KAZN: variants seen among roughly 807,000 people sequenced by gnomAD.
The protein encoded by KAZN is kazrin, periplakin interacting protein, also known as kazrin.
Under a neutral mutation model 87.4 loss-of-function variants are expected in KAZN, and 40 were observed. The observed-to-expected ratio is 0.46, with a 90% CI of 0.36 to 0.60. KAZN has a LOEUF of 0.60. KAZN is among the 20% of genes least tolerant of loss of function. The pLI is 0.00. For synonymous variants in KAZN, 466 were observed against 458.3 expected (o/e 1.02, Z -0.22); for missense variants, 898 against 1,073.9 (o/e 0.84, Z 2.29).
At chr1:15,031,414 G>T (rs924940403) in intron 2 of KAZN, among the ~76,000 whole-genome samples, 4 of 152,216 alleles carry the variant, frequency 2.6e-5, no homozygotes, top group Admixed American at 1.3e-4. Flanking sequence ...GAGTGCTAGG[G>T]GTCTGGGCAA....
chr1:14,906,868 TCC>T (rs1656645367), intron 1 of KAZN, among the ~76,000 whole-genome samples: 1 of 145,962 alleles, frequency 6.9e-6, no homozygotes, highest in South Asian at 2.2e-4. Flanking sequence ...CCACACCCGC[TCC>T]CCGCCTTGTT....
In KAZN at chr1:14,826,690, T is replaced by C. The variant is rs1381239914; in HGVS notation, c.227-133994T>C. The stretch of plus-strand genomic sequence containing the variant: ...CTCTCCAGTAGCGGCTGGATTTTTT[T>C]TCATCTCGGTTTTTACAGAACCTGG... On this transcript the variant is annotated intron_variant, in intron 1 of 14. Transcript: ENST00000376030. 4.6e-5 allele frequency among the ~76,000 whole-genome samples: 7 copies of C among 152,252 alleles called. No individual in the cohort carries two copies. The South Asian group carries it at 1.5e-3, about 32-fold the overall frequency.
At chr1:14,600,666 C>CAAAAAAAAAAAAAAAAA (rs59840012) in intron 1 of KAZN, among the ~76,000 whole-genome samples, 3 of 118,512 alleles carry the variant, frequency 2.5e-5, no homozygotes, top group Non-Finnish European at 3.6e-5. Flanking sequence ...GGAACCTGTG[C>CAAAAAAAAAAAAAAAAA]AAAAAAAAAA....
intron 1 of KAZN, among the ~76,000 whole-genome samples, chr1:13,995,219 C>CAAAAAAAAA (rs113600200): frequency 2.8e-5 from 3 of 107,388 alleles, no homozygotes; most frequent in South Asian, 3.5e-4. Flanking sequence ...TGCAATAAGG[C>CAAAAAAAAA]AAAAAAAAAA....
intron 2 of KAZN, among the ~76,000 whole-genome samples, chr1:14,347,509 T>C (rs1658191581): frequency 6.6e-6 from 1 of 152,120 alleles, no homozygotes; most frequent in Admixed American, 6.5e-5. Flanking sequence ...AAATTGGTAT[T>C]TGAATCTTTA....
intron 2 of KAZN, among the ~76,000 whole-genome samples, chr1:14,978,649 T>C (rs1407179252): frequency 6.6e-6 from 1 of 152,126 alleles, no homozygotes; most frequent in East Asian, 1.9e-4. Context: ...GGCAGTTTCG[T>C]GTTGGTCACT....
At chr1:14,959,029 G>A (rs1332751837) in intron 1 of KAZN, among the ~76,000 whole-genome samples, 2 of 152,252 alleles carry the variant, frequency 1.3e-5, no homozygotes, top group African/African-American at 4.8e-5. Context: ...CAGCCAGCCT[G>A]TGGATAAACA....
At chr1:15,045,465 G>A (rs72639849) in intron 4 of KAZN, among the ~76,000 whole-genome samples, 17 of 152,244 alleles carry the variant, frequency 1.1e-4, no homozygotes, top group Admixed American at 9.2e-4. Context: ...GATCCCCTGC[G>A]CAGCTAAATC....
intron 1 of KAZN, among the ~76,000 whole-genome samples, chr1:14,614,540 A>AC (rs980703990): frequency 3.9e-5 from 6 of 152,192 alleles, no homozygotes; most frequent in African/African-American, 1.2e-4. Flanking sequence ...AGCCTGGGTG[A>AC]CCATCTGCTG....
chr1:14,571,510 C>A (rs912852528), intron 2 of KAZN, among the ~76,000 whole-genome samples: 2 of 152,160 alleles, frequency 1.3e-5, no homozygotes, highest in African/African-American at 4.8e-5. Context: ...CTTGGCAAAG[C>A]TTTTTGAGTT....
intron 1 of KAZN, among the ~76,000 whole-genome samples, chr1:14,736,299 G>GTGTGTGTGTGTA (rs1214411509): frequency 6.7e-4 from 81 of 121,096 alleles, no homozygotes; most frequent in African/African-American, 2.3e-3. Context: ...GTGTGTGTGT[G>GTGTGTGTGTGTA]TATATTTTTT....
chr1:14,153,463 T>C lies in KAZN; in HGVS notation c.92-26972T>C, dbSNP rs182969002. On this transcript the variant is annotated intron_variant, in intron 1 of 16. Coordinates refer to the KAZN transcript ENST00000636203. ...TTTATGTCTTTTTCTCAGTGTATGT[T>C]ATTGGCACCTTTGTCAAAACTGAGT... is the stretch of plus-strand genomic sequence containing the variant. Among the ~76,000 whole-genome samples the C allele has an allele frequency of 2.1e-3, 314 of 152,298 alleles. 4 individuals carry two copies. Among genetic ancestry groups the C allele is most frequent in the Non-Finnish European group, 3.1e-4 (21 of 68,028 alleles).
At chr1:14,626,623 G>A (rs1381540992) in intron 1 of KAZN, among the ~76,000 whole-genome samples, 1 of 152,082 alleles carries the variant, frequency 6.6e-6, no homozygotes, top group African/African-American at 2.4e-5. Context: ...TGGAATGCAA[G>A]TTTCTCTGTG....
At chr1:13,982,548 T>C (rs1296846429) in intron 1 of KAZN, among the ~76,000 whole-genome samples, 1 of 152,104 alleles carries the variant, frequency 6.6e-6, no homozygotes. Flanking sequence ...CGACCCGAGG[T>C]GGTTGCCACT....
intron 2 of KAZN, among the ~76,000 whole-genome samples, chr1:14,255,396 G>A (rs910543001): frequency 1.3e-5 from 2 of 152,092 alleles, no homozygotes; most frequent in African/African-American, 4.8e-5. Context: ...CTAATCAAAT[G>A]TGTTTCATGA....
At chr1:14,035,462 CTT>C (rs770587340) in intron 1 of KAZN, among the ~76,000 whole-genome samples, 1 of 144,362 alleles carries the variant, frequency 6.9e-6, no homozygotes, top group Admixed American at 7.0e-5. Flanking sequence ...TTTTTTTCTT[CTT>C]TTTTTTTTTT....
chr1:14,278,170 C>CA (rs34057998), intron 2 of KAZN, among the ~76,000 whole-genome samples: 8,028 of 55,288 alleles, frequency 0.15, 938 homozygotes, highest in African/African-American at 0.31. Context: ...AACTCTGTCT[C>CA]AAAAAAAAAA....
chr1:14,645,823 C>G (rs189485866), intron 1 of KAZN, among the ~76,000 whole-genome samples: 32 of 152,244 alleles, frequency 2.1e-4, no homozygotes, highest in East Asian at 7.7e-4. Context: ...TTGTCTTGTG[C>G]CAGTTTTCAA....
intron 1 of KAZN, chr1:14,929,670 C>A: frequency 3.0e-6 from 2 of 671,754 alleles, no homozygotes; most frequent in Non-Finnish European, 3.7e-6. Context: ...TGCTGTGAGT[C>A]ACTAAGGGCT....
Sources: gnomAD v4.1 joint callset for allele counts (sites outside exome capture counted in the v4.1 genomes callset) on GRCh38, gnomAD v4.1.1 for gene constraint, MANE v1.5 for transcripts, NCBI Gene and HGNC (gene_info 2026-07-23, HGNC 2026-07-21) for gene names.